PRKCB: variants seen among roughly 807,000 people sequenced by gnomAD.
PRKCB encodes the protein protein kinase C beta type.
Under a neutral mutation model 81.5 loss-of-function variants are expected in PRKCB, and 13 were observed. That is an observed-to-expected ratio of 0.16 (90% CI 0.10 to 0.25). The LOEUF is 0.25. Ranked by LOEUF, PRKCB falls within the 10% of genes least tolerant of loss-of-function variation. PRKCB has a pLI of 1.00. For synonymous variants in PRKCB, 335 were observed against 321.4 expected (o/e 1.04, Z -0.45); for missense variants, 509 against 875.7 (o/e 0.58, Z 5.29).
At chr16:23,987,433 G>A (rs1964817102) in intron 2 of PRKCB, among the ~76,000 whole-genome samples, 1 of 151,466 alleles carries the variant, frequency 6.6e-6, no homozygotes, top group South Asian at 2.1e-4. Context: ...TCGCATCCCT[G>A]TGGTGTCATT....
chr16:24,056,745 T>C (rs563807610), intron 5 of PRKCB, among the ~76,000 whole-genome samples: 103 of 152,288 alleles, frequency 6.8e-4, no homozygotes, highest in African/African-American at 2.2e-3. Flanking sequence ...CCTTGTACCA[T>C]GATTGGAAGC....
intron 3 of PRKCB, among the ~76,000 whole-genome samples, chr16:23,997,336 T>C (rs1256614008): frequency 2.0e-5 from 3 of 152,202 alleles, no homozygotes; most frequent in African/African-American, 4.8e-5. Flanking sequence ...TTAAGATCAA[T>C]GAAAAACTAC....
intron 2 of PRKCB, among the ~76,000 whole-genome samples, chr16:23,900,008 C>T (rs1269743518): frequency 2.6e-5 from 4 of 152,110 alleles, no homozygotes; most frequent in Non-Finnish European, 5.9e-5. Flanking sequence ...ACAGTTATTA[C>T]TCTTTAGGAC....
chr16:24,133,384 G>A (rs547217551), intron 9 of PRKCB, among the ~76,000 whole-genome samples: 5 of 152,112 alleles, frequency 3.3e-5, no homozygotes, highest in South Asian at 2.1e-4. Flanking sequence ...CATTGGAACC[G>A]TGAGTCATCC....
intron 3 of PRKCB, among the ~76,000 whole-genome samples, chr16:23,998,498 T>C (rs909976466): frequency 3.3e-5 from 5 of 152,204 alleles, no homozygotes; most frequent in Admixed American, 2.6e-4. Context: ...TATTGTGTCC[T>C]GGTTAAAATC....
chr16:23,847,126 G>A (rs1486593189), intron 2 of PRKCB, among the ~76,000 whole-genome samples: 3 of 152,092 alleles, frequency 2.0e-5, no homozygotes, highest in African/African-American at 7.2e-5. Context: ...AACCATAGCT[G>A]TGTTCCTGGG....
chr16:23,994,601 G>A (rs185247143), intron 3 of PRKCB, among the ~76,000 whole-genome samples: 156 of 152,312 alleles, frequency 1.0e-3, no homozygotes, highest in African/African-American at 3.6e-3. Flanking sequence ...TTTGGCTTCT[G>A]CAGAAGACAG....
At chr16:24,143,428 G>A (rs926031880) in intron 9 of PRKCB, among the ~76,000 whole-genome samples, 11 of 151,988 alleles carry the variant, frequency 7.2e-5, no homozygotes, top group East Asian at 1.9e-4. Flanking sequence ...CACCGTGCCC[G>A]GCCGAGATAG....
intron 9 of PRKCB, among the ~76,000 whole-genome samples, chr16:24,128,433 C>T (rs1372820336): frequency 6.6e-6 from 1 of 152,194 alleles, no homozygotes; most frequent in Admixed American, 6.5e-5. Context: ...GGGAATGGCA[C>T]AAGCCTTTTG....
intron 2 of PRKCB, chr16:23,869,273 C>T (rs1424081949): frequency 6.0e-6 from 2 of 331,780 alleles, no homozygotes; most frequent in Non-Finnish European, 1.3e-5. Context: ...GGGCTGTTGC[C>T]TCAGCTGCGT....
intron 5 of PRKCB, among the ~76,000 whole-genome samples, chr16:24,076,029 TGTGCTGCACCCACTAACTC>T (rs933688896): frequency 1.3e-5 from 2 of 152,198 alleles, no homozygotes; most frequent in African/African-American, 4.8e-5. Context: ...GCCATGTTGG[TGTGCTGCACCCACTAACTC>T]GTCATTTACA....
chr16:24,216,203 G>A lies in PRKCB; in HGVS notation c.*1387G>A. ...CTGCTGGTGGGCTGTAGTGGGGTGG[G>A]ATGACCTGGCCAGAGCCAACGAGGA... On this transcript the variant is annotated 3_prime_UTR_variant, in exon 17 of 17. Coordinates refer to ENST00000643927, the MANE Select transcript of PRKCB (RefSeq NM_002738.7). 1 of 985,440 alleles carries A rather than the reference G, an allele frequency of 1.0e-6. No individual in the cohort carries two copies. Among genetic ancestry groups the A allele is most frequent in the African/African-American group, 1.7e-5 (1 of 57,342 alleles). 61.0% of individuals were successfully genotyped at this position (985,440 alleles called of 1,614,324 possible).
intron 5 of PRKCB, among the ~76,000 whole-genome samples, chr16:24,067,919 G>A (rs980006550): frequency 6.6e-6 from 1 of 150,502 alleles, no homozygotes; most frequent in African/African-American, 2.5e-5. Context: ...GTGAGCCTGG[G>A]TGACAGAGCG....
intron 10 of PRKCB, among the ~76,000 whole-genome samples, chr16:24,162,442 C>CT (rs564543744): frequency 0.058 from 3,989 of 68,498 alleles, 239 homozygotes; most frequent in African/African-American, 0.12. Flanking sequence ...ACAGAGAAGA[C>CT]TTTTTTTTTT....
intron 5 of PRKCB, among the ~76,000 whole-genome samples, chr16:24,042,964 A>G (rs1213736127): frequency 6.6e-6 from 1 of 152,078 alleles, no homozygotes; most frequent in East Asian, 1.9e-4. Context: ...CTTGAACTCC[A>G]TGGTTCAAGC....
At chr16:24,144,308 T>A (rs1407855298) in intron 9 of PRKCB, among the ~76,000 whole-genome samples, 1 of 152,210 alleles carries the variant, frequency 6.6e-6, no homozygotes, top group African/African-American at 2.4e-5. Flanking sequence ...CTTTTTTTCT[T>A]TTTGAGACCG....
intron 12 of PRKCB, among the ~76,000 whole-genome samples, chr16:24,176,352 G>A (rs903621952): frequency 6.6e-6 from 1 of 152,160 alleles, no homozygotes; most frequent in African/African-American, 2.4e-5. Flanking sequence ...GTTCGAAACT[G>A]CAGTGAGCTA....
In PRKCB at chr16:24,050,191, G is replaced by A. The variant is rs1965823438; in HGVS notation, c.529+14644G>A. Among the ~76,000 whole-genome samples the A allele has an allele frequency of 2.6e-5, 4 of 152,234 alleles. 1 individual carries two copies. The South Asian group carries it at 8.3e-4, about 32-fold the overall frequency. ...TCCCAGAATCTTTTAATTCCCAAGT[G>A]AGGCAGCCCCAACTCCTTCAGCCAT... On this transcript the variant is annotated intron_variant, in intron 5 of 16. Coordinates refer to ENST00000643927, the MANE Select transcript of PRKCB (RefSeq NM_002738.7).
intron 16 of PRKCB, among the ~76,000 whole-genome samples, chr16:24,193,262 G>C (rs531815932): frequency 6.6e-6 from 1 of 151,962 alleles, no homozygotes. Flanking sequence ...GGCCAACGTG[G>C]TAAAACCCCA....
Sources: allele counts gnomAD v4.1 joint callset (sites outside exome capture counted in the v4.1 genomes callset), GRCh38; gene constraint gnomAD v4.1.1; transcripts MANE v1.5; gene names NCBI Gene and HGNC (gene_info 2026-07-23, HGNC 2026-07-21).